The following MGAT4C variants were observed in gnomAD, a reference collection of about 807,000 sequenced individuals.
The protein encoded by MGAT4C is MGAT4 family member C, also known as alpha-1,3-mannosyl-glycoprotein 4-beta-N-acetylglucosaminyltransferase C.
Under a neutral mutation model 40.1 loss-of-function variants are expected in MGAT4C, and 19 were observed. That is an observed-to-expected ratio of 0.47 (90% confidence interval 0.33 to 0.70). The LOEUF is 0.70. Ranked by LOEUF, MGAT4C falls within the 30% of genes least tolerant of loss-of-function variation. The pLI, the probability that MGAT4C is intolerant of heterozygous loss-of-function variation, is 0.02. For synonymous variants in MGAT4C, 181 were observed against 187.1 expected, an observed-to-expected ratio of 0.97 and a Z score of 0.27; for missense variants, 491 against 563.2, an observed-to-expected ratio of 0.87 and a Z score of 1.30.
chr12:86,518,259 A>G (rs1958732055), intron 2 of MGAT4C, among the ~76,000 whole-genome samples: 1 of 152,212 alleles, frequency 6.6e-6, no homozygotes, highest in African/African-American at 2.4e-5. Flanking sequence ...GTTCTCCGAA[A>G]GAAACTACTA....
At chr12:86,732,020 T>C (rs1007541923) in intron 1 of MGAT4C, among the ~76,000 whole-genome samples, 1 of 152,164 alleles carries the variant, frequency 6.6e-6, no homozygotes, top group African/African-American at 2.4e-5. Flanking sequence ...CCTAGGTTTA[T>C]GCAGGGATTA....
At chr12:86,103,038 G>A (rs1440820652) in intron 1 of MGAT4C, among the ~76,000 whole-genome samples, 2 of 152,098 alleles carry the variant, frequency 1.3e-5, no homozygotes, top group Admixed American at 6.6e-5. Flanking sequence ...AAGAAGAAGA[G>A]CTGCATTTCA....
chr12:86,554,631 A>G (rs1018583157), intron 2 of MGAT4C, among the ~76,000 whole-genome samples: 5 of 152,164 alleles, frequency 3.3e-5, no homozygotes, highest in Non-Finnish European at 7.3e-5. Flanking sequence ...ATGTAGTTTC[A>G]ACAATCACTA....
intron 2 of MGAT4C, among the ~76,000 whole-genome samples, chr12:86,684,469 GTAAA>G (rs1225185939): frequency 6.6e-6 from 1 of 152,162 alleles, no homozygotes; most frequent in Non-Finnish European, 1.5e-5. Flanking sequence ...CTTTGCTCAG[GTAAA>G]TAGTGCTGGA....
At chr12:86,142,541 T>C (rs919885929) in intron 1 of MGAT4C, among the ~76,000 whole-genome samples, 8 of 152,192 alleles carry the variant, frequency 5.3e-5, no homozygotes, top group African/African-American at 1.9e-4. Flanking sequence ...ATACCAATCC[T>C]GCTTTCTCTC....
At chr12:86,790,308 T>A (rs1041801231) in intron 1 of MGAT4C, among the ~76,000 whole-genome samples, 3 of 152,180 alleles carry the variant, frequency 2.0e-5, no homozygotes, top group Admixed American at 6.6e-5. Flanking sequence ...ATTACTTTGA[T>A]GAATTTTTAT....
intron 1 of MGAT4C, among the ~76,000 whole-genome samples, chr12:86,114,284 T>C (rs1407584184): frequency 6.6e-6 from 1 of 151,896 alleles, no homozygotes; most frequent in Non-Finnish European, 1.5e-5. Flanking sequence ...CTGTTAAATC[T>C]GGTGTACCTC....
intron 2 of MGAT4C, chr12:86,016,527 G>A (rs1178960326): frequency 2.0e-5 from 3 of 152,174 alleles, no homozygotes; most frequent in Non-Finnish European, 4.4e-5. Context: ...AGATACCTAG[G>A]AAAGTTCTGT....
intron 2 of MGAT4C, among the ~76,000 whole-genome samples, chr12:86,582,832 T>A (rs1168861791): frequency 6.6e-6 from 1 of 151,190 alleles, no homozygotes; most frequent in African/African-American, 2.4e-5. Flanking sequence ...GTAATGGCAA[T>A]AAAGGAATGA....
intron 2 of MGAT4C, among the ~76,000 whole-genome samples, chr12:86,660,666 A>T (rs1423622795): frequency 6.6e-6 from 1 of 152,122 alleles, no homozygotes; most frequent in Non-Finnish European, 1.5e-5. Flanking sequence ...AAGGACAGGT[A>T]CCCTAGAGGA....
intron 2 of MGAT4C, among the ~76,000 whole-genome samples, chr12:86,508,507 C>G (rs1213332007): frequency 6.6e-6 from 1 of 151,870 alleles, no homozygotes; most frequent in East Asian, 1.9e-4. Context: ...TGAATAATGC[C>G]GCAATAAACA....
chr12:86,435,796 G>C (rs1957126296), intron 2 of MGAT4C, among the ~76,000 whole-genome samples: 1 of 151,772 alleles, frequency 6.6e-6, no homozygotes, highest in Non-Finnish European at 1.5e-5. Context: ...ATATTCCACT[G>C]TTCCTTTGCC....
chr12:86,205,754 A>G (rs948410867), intron 1 of MGAT4C, among the ~76,000 whole-genome samples: 2 of 152,022 alleles, frequency 1.3e-5, no homozygotes, highest in Non-Finnish European at 1.5e-5. Flanking sequence ...TCTTGACTCT[A>G]TATTTCCAGA....
At chr12:86,085,061 A>T (rs1218494032) in intron 1 of MGAT4C, among the ~76,000 whole-genome samples, 1 of 152,058 alleles carries the variant, frequency 6.6e-6, no homozygotes, top group Non-Finnish European at 1.5e-5. Context: ...CTGAAAAGCC[A>T]TGCACTCTCA....
chr12:86,501,120 A>T (rs982821667), intron 2 of MGAT4C, among the ~76,000 whole-genome samples: 1 of 152,048 alleles, frequency 6.6e-6, no homozygotes, highest in Non-Finnish European at 1.5e-5. Flanking sequence ...AACTTGTTTA[A>T]TTGTATAGCC....
chr12:86,513,466 A>C (rs1474940911), intron 2 of MGAT4C, among the ~76,000 whole-genome samples: 1 of 152,186 alleles, frequency 6.6e-6, no homozygotes, highest in Non-Finnish European at 1.5e-5. Context: ...GCACGCTAAT[A>C]AGTTAGCCTG....
At chr12:86,738,547 A>G (rs1464642468) in intron 1 of MGAT4C, among the ~76,000 whole-genome samples, 1 of 151,314 alleles carries the variant, frequency 6.6e-6, no homozygotes, top group Non-Finnish European at 1.5e-5. Flanking sequence ...TGTTAAATGA[A>G]TCATGCCATT....
intron 2 of MGAT4C, among the ~76,000 whole-genome samples, chr12:86,478,595 CTGT>C (rs899922215): frequency 3.3e-5 from 5 of 152,052 alleles, no homozygotes; most frequent in Admixed American, 3.3e-4. Context: ...TCAGGTTTTT[CTGT>C]TGTTTTCTTT....
intron 1 of MGAT4C, among the ~76,000 whole-genome samples, chr12:86,822,490 TG>T (rs1952722579): frequency 6.6e-6 from 1 of 150,682 alleles, no homozygotes; most frequent in African/African-American, 2.4e-5. Context: ...GGTAAGTGGA[TG>T]AAAAAAAGAT....
Sources: gnomAD v4.1 joint callset for allele counts (sites outside exome capture counted in the v4.1 genomes callset) on GRCh38, gnomAD v4.1.1 for gene constraint, MANE v1.5 for transcripts, NCBI Gene and HGNC (gene_info 2026-07-23, HGNC 2026-07-21) for gene names.